PMFBP1: variants seen among roughly 807,000 people sequenced by gnomAD.
The protein encoded by PMFBP1 is polyamine modulated factor 1 binding protein 1.
In PMFBP1, 131 loss-of-function variants were observed where a neutral mutation model predicts 137.8. The ratio of observed to expected loss-of-function variants is 0.95; its 90% CI spans 0.82 to 1.10. The LOEUF (loss-of-function observed/expected upper bound fraction) is 1.10, where lower values mean the gene tolerates loss of function less well. PMFBP1 is among the 50% of genes least tolerant of loss of function. PMFBP1 has a pLI of 0.00. For missense variants in PMFBP1, 1,199 were observed against 1,175.4 expected (o/e 1.02, Z -0.29); for synonymous variants, 490 against 450.4 (o/e 1.09, Z -1.11).
chr16:72,157,834 T>G (rs1031489404), intron 3 of PMFBP1, among the ~76,000 whole-genome samples: 3 of 152,030 alleles, frequency 2.0e-5, no homozygotes, highest in Non-Finnish European at 4.4e-5. Context: ...ATGGTAGCAA[T>G]GGAGGGCGGG....
chr16:72,170,221 C>G (rs558347123), intron 2 of PMFBP1, among the ~76,000 whole-genome samples: 2 of 151,080 alleles, frequency 1.3e-5, no homozygotes, highest in African/African-American at 4.9e-5. Flanking sequence ...AAAATCCATA[C>G]GAGATCCTTG....
chr16:72,225,810 A>G, the PMFBP1 span, among the ~76,000 whole-genome samples: 1 of 151,618 alleles, frequency 6.6e-6, no homozygotes, highest in Admixed American at 6.6e-5. Context: ...CATAGCCCAT[A>G]GATGCTAGGT....
intron 19 of PMFBP1, among the ~76,000 whole-genome samples, chr16:72,121,005 T>G (rs1448006823): frequency 6.6e-6 from 1 of 152,232 alleles, no homozygotes; most frequent in East Asian, 1.9e-4. Context: ...AAGTTGGTTT[T>G]CTTTCAAATA....
At chr16:72,152,877 C>T (rs987684558) in intron 4 of PMFBP1, among the ~76,000 whole-genome samples, 5 of 147,768 alleles carry the variant, frequency 3.4e-5, no homozygotes, top group South Asian at 2.1e-4. Flanking sequence ...AAGGATGTGA[C>T]GGCTGAAGCT....
the PMFBP1 span, among the ~76,000 whole-genome samples, chr16:72,246,250 G>A: frequency 6.6e-6 from 1 of 152,170 alleles, no homozygotes; most frequent in African/African-American, 2.4e-5. Context: ...TAGGTGATGT[G>A]TGTTCTAAGC....
intron 9 of PMFBP1, among the ~76,000 whole-genome samples, chr16:72,133,636 G>C (rs1356706710): frequency 2.0e-5 from 3 of 152,134 alleles, no homozygotes; most frequent in Non-Finnish European, 4.4e-5. Flanking sequence ...TAGCTAGTCA[G>C]GTGTGAGCAG....
At position 72,164,764 on chromosome 16, in the gene PMFBP1, G is replaced by T; in HGVS notation, c.165C>A (p.His55Gln). The T allele has an allele frequency of 6.3e-7, 1 of 1,586,270 alleles. No homozygotes were observed. The highest frequency in any genetic ancestry group is 8.6e-7 in the Non-Finnish European group (1 of 1,159,560). ...LCMEEAMNSS[H>Q]DKKQAQALAF... Reference sequence around the variant, plus strand: ...GAGCGGCTGCTGCCAAGTCCCTTACGTGGCTGCTGTTCATTGCCTCCTCCA... The same window carrying T: ...GAGCGGCTGCTGCCAAGTCCCTTACTTGGCTGCTGTTCATTGCCTCCTCCA... The change falls in exon 3 of 21, where the codon CAC becomes CAA. Residue 55 changes from histidine (H) to glutamine (Q), a missense_variant and splice_region_variant. Coordinates refer to ENST00000237353, the MANE Select transcript of PMFBP1 (RefSeq NM_031293.3).
intron 11 of PMFBP1, 65 bp downstream of exon 11, chr16:72,130,468 C>T (rs2042532632): frequency 6.2e-7 from 1 of 1,606,968 alleles, no homozygotes. Flanking sequence ...CAGCTGCCCA[C>T]AGAGGGCCCG....
At chr16:72,241,666 T>C in the PMFBP1 span, among the ~76,000 whole-genome samples, 2 of 152,210 alleles carry the variant, frequency 1.3e-5, no homozygotes, top group African/African-American at 4.8e-5. Flanking sequence ...GCTGTTTTCA[T>C]CTACTAAGTA....
At chr16:72,158,189 GAAGA>G (rs2043010516) in intron 3 of PMFBP1, among the ~76,000 whole-genome samples, 1 of 152,162 alleles carries the variant, frequency 6.6e-6, no homozygotes, top group African/African-American at 2.4e-5. Flanking sequence ...TCAGAATTGA[GAAGA>G]GAGACAGAGA....
chr16:72,223,801 C>T, the PMFBP1 span, among the ~76,000 whole-genome samples: 2 of 152,176 alleles, frequency 1.3e-5, no homozygotes, highest in East Asian at 3.8e-4. Context: ...TCTGAAACTA[C>T]AAGCTTTACT....
rs529557668 is a variant in PMFBP1, at chr16:72,128,711, G to C, written c.2034C>G (p.Ser678=). 48 of 1,614,136 alleles carry C rather than the reference G, an allele frequency of 3.0e-5. No individual in the cohort carries two copies. The East Asian group carries it at 7.8e-4, about 26-fold the overall frequency. The part of the protein sequence containing the change: ...ELQCCSTQLE[S]SLNKYNTSQQ... The stretch of plus-strand genomic sequence containing the variant: ...GGCTGGTGTTGTATTTGTTGAGAGA[G>C]GATTCCAGTTGTGTAGAACAACACT... Residue 678 remains serine (S), a synonymous_variant, in exon 14 of 21, where the codon TCC becomes TCG. Coordinates refer to ENST00000237353, the MANE Select transcript of PMFBP1 (RefSeq NM_031293.3).
At chr16:72,197,574 G>T in the PMFBP1 span, among the ~76,000 whole-genome samples, 1 of 152,134 alleles carries the variant, frequency 6.6e-6, no homozygotes, top group Non-Finnish European at 1.5e-5. Flanking sequence ...TGGCTTCCTC[G>T]AGAGAGCAGT....
At chr16:72,146,174 CCA>C (rs2042803364) in intron 5 of PMFBP1, among the ~76,000 whole-genome samples, 2 of 152,194 alleles carry the variant, frequency 1.3e-5, no homozygotes, top group African/African-American at 4.8e-5. Context: ...AGCTTATCTA[CCA>C]TGATCAAGTC....
chr16:72,135,478 A>G (rs1335147162), intron 9 of PMFBP1, among the ~76,000 whole-genome samples: 1 of 151,386 alleles, frequency 6.6e-6, no homozygotes, highest in African/African-American at 2.4e-5. Context: ...CGGCCTCCCA[A>G]AGTGCTGGGA....
chr16:72,239,885 CAAAAAAAAAAAAAAAGA>C, the PMFBP1 span, among the ~76,000 whole-genome samples: 1,370 of 21,340 alleles, frequency 0.064, 15 homozygotes, highest in Non-Finnish European at 0.086. Flanking sequence ...ACTCCATGTA[CAAAAAAAAAAAAAAAGA>C]AAAAAAAAAA....
chr16:72,207,741 T>TGC, the PMFBP1 span, among the ~76,000 whole-genome samples: 2 of 149,300 alleles, frequency 1.3e-5, no homozygotes, highest in African/African-American at 2.4e-5. Context: ...TGTGTGTGTG[T>TGC]GCATATTGAT....
the PMFBP1 span, among the ~76,000 whole-genome samples, chr16:72,236,520 T>G: frequency 2.6e-5 from 4 of 152,206 alleles, no homozygotes; most frequent in African/African-American, 9.7e-5. Context: ...GGCTCATTTT[T>G]TTTAAAAGCC....
chr16:72,210,630 GA>G, the PMFBP1 span, among the ~76,000 whole-genome samples: 1 of 152,122 alleles, frequency 6.6e-6, no homozygotes, highest in Non-Finnish European at 1.5e-5. Flanking sequence ...TTTGCTAATT[GA>G]AATTAAACAG....
Sources: gnomAD v4.1 joint callset for allele counts (sites outside exome capture counted in the v4.1 genomes callset) on GRCh38, gnomAD v4.1.1 for gene constraint, MANE v1.5 for transcripts, NCBI Gene and HGNC (gene_info 2026-07-23, HGNC 2026-07-21) for gene names.